Variants in PRDX4 observed in about 807,000 individuals in gnomAD.
PRDX4 encodes peroxiredoxin-4.
A neutral mutation model predicts 20.5 loss-of-function variants in PRDX4; 12 were observed. The observed-to-expected ratio is 0.58, with a 90% CI of 0.37 to 0.95. PRDX4 has a LOEUF of 0.95. Among genes scored for constraint, PRDX4 ranks in the 40% least tolerant of loss-of-function variants. PRDX4 has a pLI of 0.01. For synonymous variants in PRDX4, 99 were observed against 87.5 expected (o/e 1.13, Z -0.73); for missense variants, 180 against 207.3 (o/e 0.87, Z 0.81).
chrX:23,669,792 C>T (rs1927810113), intron 1 of PRDX4, among the ~76,000 whole-genome samples: 1 of 110,114 alleles, frequency 9.1e-6, no homozygotes, highest in African/African-American at 3.3e-5. Flanking sequence ...TGGCGCATAC[C>T]TGTAATCCCA....
At chrX:23,669,073 G>A (rs1297574385) in intron 1 of PRDX4, among the ~76,000 whole-genome samples, 2 of 110,577 alleles carry the variant, frequency 1.8e-5, no homozygotes, top group Non-Finnish European at 3.8e-5. Flanking sequence ...CTACAGGCGC[G>A]CACCACCACA....
chrX:23,679,264 A>G lies in PRDX4; in HGVS notation c.576A>G (p.Leu192=), dbSNP rs1302264836. 2.5e-6 allele frequency: 3 copies of G among 1,206,544 alleles called. No homozygotes were observed. Among genetic ancestry groups the G allele is most frequent in the South Asian group, 3.6e-5 (2 of 56,142 alleles). The change falls in exon 4 of 7, where the codon CTA becomes CTG. Residue 192 remains leucine (L), a synonymous_variant. Coordinates refer to ENST00000379341, the MANE Select transcript of PRDX4 (RefSeq NM_006406.2). The part of the protein sequence containing the change: ...HQISKDYGVY[L]EDSGHTLRGL... ...TCTCAAAGGACTATGGTGTATACCT[A>G]GAGGACTCAGGCCACACTCTTAGGT... is the stretch of plus-strand genomic sequence containing the variant.
intron 2 of PRDX4, among the ~76,000 whole-genome samples, chrX:23,674,758 G>A (rs772138099): frequency 1.8e-5 from 2 of 112,012 alleles, no homozygotes; most frequent in South Asian, 7.3e-4. Flanking sequence ...CTATTAAGTT[G>A]TAATAAGAAA....
chrX:23,671,365 C>A (rs192589483), intron 1 of PRDX4, 164 bp from the exon 2 acceptor site: 2 of 358,139 alleles, frequency 5.6e-6, no homozygotes, highest in African/African-American at 2.7e-5. Context: ...ATGTATTTTC[C>A]TTTTTGCATT....
At chrX:23,671,857 A>C (rs142242705) in intron 2 of PRDX4, among the ~76,000 whole-genome samples, 302 of 112,630 alleles carry the variant, frequency 2.7e-3, no homozygotes, top group African/African-American at 8.8e-3. Context: ...GTTATAATGG[A>C]ATAATTAGAG....
intron 1 of PRDX4, among the ~76,000 whole-genome samples, chrX:23,669,443 G>A (rs1465354820): frequency 1.8e-5 from 2 of 111,762 alleles, no homozygotes; most frequent in Non-Finnish European, 3.8e-5. Flanking sequence ...TCTGTCACAT[G>A]TAGGCTTATC....
intron 2 of PRDX4, among the ~76,000 whole-genome samples, chrX:23,673,049 A>G (rs981070886): frequency 6.2e-5 from 7 of 112,471 alleles, no homozygotes; most frequent in Admixed American, 4.7e-4. Context: ...TTCAGTAGAC[A>G]TAAAAAATGA....
chrX:23,674,490 GA>G (rs1285971873), intron 2 of PRDX4, among the ~76,000 whole-genome samples: 33 of 109,884 alleles, frequency 3.0e-4, no homozygotes, highest in African/African-American at 1.1e-3. Flanking sequence ...AGACAAGGTG[GA>G]AGAGGACCTT....
At chrX:23,685,971 C>T in intron 6 of PRDX4, 1 of 346,776 alleles carries the variant, frequency 2.9e-6, no homozygotes, top group Non-Finnish European at 5.5e-6. Context: ...CATCTGTAGC[C>T]ATGCTCTCTA....
At chrX:23,675,789 A>G (rs1601790693) in intron 3 of PRDX4, among the ~76,000 whole-genome samples, 1 of 111,844 alleles carries the variant, frequency 8.9e-6, no homozygotes, top group African/African-American at 3.2e-5. Flanking sequence ...ATGAGTTTTT[A>G]TAGTGTCCAC....
In PRDX4 at chrX:23,682,401, T is replaced by C; in HGVS notation, c.605T>C (p.Leu202Pro). ...LEDSGHTLRG[L>P]FIIDDKGILR... Reference sequence around the variant, plus strand: ...ACCATTCTTCTGTTTTACAGAGGTCTCTTCATTATTGATGACAAAGGAATC... The same window carrying C: ...ACCATTCTTCTGTTTTACAGAGGTCCCTTCATTATTGATGACAAAGGAATC... The change falls in exon 5 of 7, where the codon CTC (leucine) becomes CCC (proline). Residue 202 changes from leucine to proline, a missense_variant. Physicochemically the swap from Leu to Pro is moderately conservative, Grantham distance 98. This residue lies in a region of PRDX4 where 73 missense variants were observed against 76.5 expected (regional missense o/e 0.95). Transcript: ENST00000379341. 1 of 1,157,378 alleles carries C rather than the reference T, an allele frequency of 8.6e-7. No homozygotes were observed. The highest frequency in any genetic ancestry group is 1.2e-6 in the Non-Finnish European group (1 of 862,497).
intron 4 of PRDX4, among the ~76,000 whole-genome samples, chrX:23,680,535 CTG>C (rs1351446594): frequency 1.8e-5 from 2 of 111,043 alleles, no homozygotes; most frequent in Admixed American, 9.7e-5. Flanking sequence ...TTTTATAATC[CTG>C]TGTTTTTTTA....
At chrX:23,682,052 A>G (rs1928079151) in intron 4 of PRDX4, among the ~76,000 whole-genome samples, 2 of 112,293 alleles carry the variant, frequency 1.8e-5, no homozygotes. Flanking sequence ...AAACAAATAA[A>G]AAATTTATTA....
intron 6 of PRDX4, 27 bp from the exon 7 acceptor site, chrX:23,686,258 T>G: frequency 8.7e-7 from 1 of 1,146,723 alleles, no homozygotes; most frequent in African/African-American, 1.8e-5. Context: ...AAATGAATAA[T>G]TTCCTTTCTT....
At chrX:23,685,720 T>TATC (rs35555416) in intron 6 of PRDX4, among the ~76,000 whole-genome samples, 1 of 108,834 alleles carries the variant, frequency 9.2e-6, no homozygotes, top group South Asian at 3.9e-4. Context: ...TTTTTAAGTC[T>TATC]AACAGGATTC....
chrX:23,686,245 T>G (rs757070407), intron 6 of PRDX4, 40 bp from the exon 7 acceptor site: 2 of 1,111,048 alleles, frequency 1.8e-6, no homozygotes, highest in Admixed American at 2.7e-5. Context: ...TACTTTGGCT[T>G]TAAAATGAAT....
At position 23,679,716 on chromosome X, in the gene PRDX4, C is replaced by T. The variant is rs188745648; in HGVS notation, c.599+429C>T. On this transcript the variant is annotated intron_variant, in intron 4 of 6. Transcript: ENST00000379341. ...ATAATTGGCTGGGCATGGTGGCTCA[C>T]GCCTATAATCCCAGCACTTTGGGAG... is the stretch of plus-strand genomic sequence containing the variant. 6.3e-3 allele frequency among the ~76,000 whole-genome samples: 670 copies of T among 105,539 alleles called. 5 individuals carry two copies. Among genetic ancestry groups the T allele is most frequent in the African/African-American group, 0.021 (602 of 28,727 alleles). 91.6% of individuals were successfully genotyped at this position (105,539 alleles called of 115,157 possible). A position where few individuals can be genotyped will look rare whatever the true frequency, so the allele number is the denominator to read the frequency against.
chrX:23,685,752 G>C (rs1350349610), intron 6 of PRDX4, among the ~76,000 whole-genome samples: 1 of 110,077 alleles, frequency 9.1e-6, no homozygotes, highest in East Asian at 2.8e-4. Context: ...TGCTCTTAGA[G>C]GGAACACAAC....
chrX:23,667,738 T>A lies in PRDX4; in HGVS notation c.168T>A (p.Gly56=). ...TREEECHFYA[G]GQVYPGEASR... ...AAGAGGAGTGCCACTTCTACGCGGG[T>A]GGACAAGTGTACCCGGGAGAGGCAT... The change falls in exon 1 of 7, where the codon GGT becomes GGA. Residue 56 remains glycine (G), a synonymous_variant. Transcript: ENST00000379341. 8.3e-7 allele frequency: 1 copy of A among 1,210,660 alleles called. No homozygotes were observed. Among genetic ancestry groups the A allele is most frequent in the Non-Finnish European group, 1.1e-6 (1 of 895,162 alleles).
Sources: allele counts gnomAD v4.1 joint callset (sites outside exome capture counted in the v4.1 genomes callset), GRCh38; gene constraint gnomAD v4.1.1; regional missense constraint gnomAD v4.1.1; transcripts MANE v1.5; gene names NCBI Gene and HGNC (gene_info 2026-07-23, HGNC 2026-07-21).